Variants in NSFL1C observed in about 807,000 individuals in gnomAD.
NSFL1C encodes the protein NSFL1 cofactor, also known as NSFL1 cofactor p47.
NSFL1C carries 14 observed loss-of-function variants against 43.1 expected under a neutral mutation model. The ratio of observed to expected loss-of-function variants is 0.32; its 90% CI spans 0.21 to 0.51. NSFL1C has a LOEUF of 0.51. Ranked by LOEUF, NSFL1C falls within the 20% of genes least tolerant of loss-of-function variation. NSFL1C has a pLI of 0.98. For synonymous variants in NSFL1C, 171 were observed against 183.5 expected, an observed-to-expected ratio of 0.93 and a Z score of 0.55; for missense variants, 406 against 472.5, an observed-to-expected ratio of 0.86 and a Z score of 1.30.
rs759054282 is a variant in NSFL1C, at chr20:1,458,268, A to G, written c.210T>C (p.Asn70=). Residue 70 remains asparagine, a synonymous_variant, in exon 3 of 9, where the codon AAT becomes AAC. Coordinates refer to ENST00000216879, the MANE Select transcript of NSFL1C (RefSeq NM_016143.5). ...SVSRGTAPSD[N]RVTSFRDLIH... ...TGAGGTCTCTGAAGGATGTCACTCT[A>G]TTATCACTGGAGACACAGAAAGGAG... The G allele has an allele frequency of 2.5e-6, 4 of 1,613,396 alleles. No individual in the cohort carries two copies. Among genetic ancestry groups the G allele is most frequent in the Admixed American group, 3.3e-5 (2 of 59,984 alleles).
chr20:1,462,688 A>AT (rs1252359973), intron 2 of NSFL1C, among the ~76,000 whole-genome samples: 5 of 151,492 alleles, frequency 3.3e-5, no homozygotes, highest in East Asian at 1.9e-4. Flanking sequence ...CACCTGGCTA[A>AT]TTTTTTTTGT....
chr20:1,455,951 G>T, intron 3 of NSFL1C: 1 of 582,740 alleles, frequency 1.7e-6, no homozygotes, highest in South Asian at 2.0e-5. Context: ...CTTTGCAATA[G>T]GCCAGGCATG....
intron 1 of NSFL1C, among the ~76,000 whole-genome samples, chr20:1,465,580 G>A (rs953675238): frequency 6.6e-6 from 1 of 152,162 alleles, no homozygotes; most frequent in Non-Finnish European, 1.5e-5. Context: ...TATGTTTGGG[G>A]AGTAATTTAC....
chr20:1,455,868 C>T, intron 3 of NSFL1C: 1 of 704,198 alleles, frequency 1.4e-6, no homozygotes, highest in Non-Finnish European at 2.6e-6. Flanking sequence ...CACACTGTGG[C>T]CCCTGAGGAA....
chr20:1,450,437 G>C (rs1445714379), intron 7 of NSFL1C, among the ~76,000 whole-genome samples: 1 of 152,060 alleles, frequency 6.6e-6, no homozygotes, highest in African/African-American at 2.4e-5. Context: ...ACATCATGGT[G>C]ATATCAAGTT....
chr20:1,448,148 C>G (rs964278006), intron 7 of NSFL1C, among the ~76,000 whole-genome samples: 2 of 152,216 alleles, frequency 1.3e-5, no homozygotes, highest in Non-Finnish European at 2.9e-5. Flanking sequence ...ACCTCAATTT[C>G]CTTTTCTATA....
At position 1,445,754 on chromosome 20, in the gene NSFL1C, A is replaced by G. The variant is rs140772233; in HGVS notation, c.862T>C (p.Leu288=). 3.1e-6 allele frequency: 5 copies of G among 1,613,940 alleles called. No homozygotes were observed. In the African/African-American group the frequency reaches 6.7e-5, roughly 22 times the overall value. The part of the protein sequence containing the change: ...ENEAKASSSI[L]IDESEPTTNI... The stretch of plus-strand genomic sequence containing the variant: ...GTGGTAGGCTCTGATTCGTCGATTA[A>G]GATGGAAGAGCTGGCTTTGGCTTCA... The change falls in exon 8 of 9, where the codon TTA becomes CTA. Residue 288 remains leucine, a synonymous_variant. Coordinates refer to ENST00000216879, the MANE Select transcript of NSFL1C (RefSeq NM_016143.5).
At chr20:1,463,880 T>A (rs2090460139) in intron 2 of NSFL1C, 1 of 157,362 alleles carries the variant, frequency 6.4e-6, no homozygotes, top group Non-Finnish European at 1.4e-5. Flanking sequence ...AAGGTCTCCC[T>A]AATCAACTTG....
intron 5 of NSFL1C, among the ~76,000 whole-genome samples, chr20:1,453,858 T>A (rs1378062495): frequency 6.6e-6 from 1 of 151,792 alleles, no homozygotes; most frequent in Admixed American, 6.6e-5. Context: ...AAAAGAAAAA[T>A]TGGTGTTAAG....
intron 2 of NSFL1C, among the ~76,000 whole-genome samples, chr20:1,458,763 T>C (rs1316006015): frequency 1.3e-5 from 2 of 152,018 alleles, no homozygotes; most frequent in Non-Finnish European, 2.9e-5. Flanking sequence ...TGTAGCATTA[T>C]AGGAAAGCAG....
chr20:1,446,360 C>G (rs2090059759), intron 7 of NSFL1C, among the ~76,000 whole-genome samples: 1 of 152,142 alleles, frequency 6.6e-6, no homozygotes, highest in South Asian at 2.1e-4. Flanking sequence ...TAGTGCACCT[C>G]ACTCCCATGT....
At position 1,455,118 on chromosome 20, in the gene NSFL1C, C is replaced by G. The variant is rs1209398496; in HGVS notation, c.293G>C (p.Gly98Ala). ...EEEGQRFYAG[G>A]SERSGQQIVG... ...AATCTGCTGTCCACTTCTCTCTGAG[C>G]CCCCAGCATAAAACCTGTGTACAAA... is the stretch of plus-strand genomic sequence containing the variant. The change falls in exon 4 of 9, where the codon GGC becomes GCC. Residue 98 changes from glycine to alanine, a missense_variant. By Grantham distance (60) the Gly-to-Ala change is moderately conservative. This residue lies in a region of NSFL1C where 203 missense variants were observed against 216.3 expected (regional missense o/e 0.94). Coordinates refer to ENST00000216879, the MANE Select transcript of NSFL1C (RefSeq NM_016143.5). 2 of 1,614,066 alleles carry G rather than the reference C, an allele frequency of 1.2e-6. No homozygotes were observed. The highest frequency in any genetic ancestry group is 3.3e-5 in the Admixed American group (2 of 60,008).
chr20:1,451,915 A>G (rs1415423396), intron 7 of NSFL1C, among the ~76,000 whole-genome samples: 1 of 152,216 alleles, frequency 6.6e-6, no homozygotes, highest in African/African-American at 2.4e-5. Context: ...ATAAGTAGAA[A>G]TAAGAGCTGC....
intron 2 of NSFL1C, chr20:1,463,990 A>G (rs367848791): frequency 1.5e-5 from 4 of 260,124 alleles, no homozygotes; most frequent in African/African-American, 8.8e-5. Flanking sequence ...CATTTCGCCT[A>G]AACTTTCACA....
chr20:1,447,766 G>C (rs2090093461), intron 7 of NSFL1C, among the ~76,000 whole-genome samples: 1 of 151,866 alleles, frequency 6.6e-6, no homozygotes, highest in African/African-American at 2.4e-5. Context: ...TATCAGTTAA[G>C]GGGGTGGGGA....
Position 1,454,377 on chromosome 20 carries a change from T to C in NSFL1C, c.445-72A>G, listed in dbSNP as rs144703662. Reference sequence around the variant, plus strand: ...CAAGGGTTACTCAGATACAATGATATATATATCTTAGGTAAGAGGAAGAAA... The same window carrying C: ...CAAGGGTTACTCAGATACAATGATACATATATCTTAGGTAAGAGGAAGAAA... On this transcript the variant is annotated intron_variant, in intron 4 of 8. Coordinates refer to ENST00000216879, the MANE Select transcript of NSFL1C (RefSeq NM_016143.5). 1,592 of 1,030,982 alleles carry C rather than the reference T, an allele frequency of 1.5e-3. 5 individuals carry two copies. The highest frequency in any genetic ancestry group is 2.2e-3 in the Non-Finnish European group (1,448 of 665,112). 63.9% of individuals were successfully genotyped at this position (1,030,982 alleles called of 1,614,324 possible).
chr20:1,454,766 T>C (rs2090260436), intron 4 of NSFL1C, among the ~76,000 whole-genome samples: 2 of 152,180 alleles, frequency 1.3e-5, no homozygotes, highest in Admixed American at 1.3e-4. Flanking sequence ...ATCTAGACCA[T>C]AGGCTGTAGG....
At position 1,464,312 on chromosome 20, in the gene NSFL1C, T is replaced by C. The variant is rs368588216; in HGVS notation, c.203+17A>G. 451 of 1,609,984 alleles carry C rather than the reference T, an allele frequency of 2.8e-4. 2 individuals carry two copies. Among genetic ancestry groups the C allele is most frequent in the South Asian group, 2.7e-3 (243 of 90,996 alleles). ...GCTGGAAACACTCATGTAGCGATAA[T>C]TGAAGCTGGCCCTTACCTGGGGGCT... On this transcript the variant is annotated intron_variant, in intron 2 of 8. Coordinates refer to ENST00000216879, the MANE Select transcript of NSFL1C (RefSeq NM_016143.5).
intron 7 of NSFL1C, among the ~76,000 whole-genome samples, chr20:1,446,703 C>G (rs148242842): frequency 6.9e-4 from 104 of 150,608 alleles, no homozygotes; most frequent in African/African-American, 2.5e-3. Flanking sequence ...CAATTCTCCA[C>G]AACTGTATGG....
Sources: gnomAD v4.1 joint callset for allele counts (sites outside exome capture counted in the v4.1 genomes callset) on GRCh38, gnomAD v4.1.1 for gene constraint, gnomAD v4.1.1 regional missense constraint, MANE v1.5 for transcripts, NCBI Gene and HGNC (gene_info 2026-07-23, HGNC 2026-07-21) for gene names.